ADGRE1: variants seen among roughly 807,000 people sequenced by gnomAD.
ADGRE1 encodes the protein adhesion G protein-coupled receptor E1.
A neutral mutation model predicts 102.7 loss-of-function variants in ADGRE1; 82 were observed. The observed-to-expected ratio is 0.80, with a 90% CI of 0.67 to 0.96. The LOEUF is 0.96. ADGRE1 is among the 40% of genes least tolerant of loss of function. The pLI, the probability that ADGRE1 is intolerant of heterozygous loss-of-function variation, is 0.00. For synonymous variants in ADGRE1, 398 were observed against 399.6 expected (o/e 1.00, Z 0.05); for missense variants, 1,032 against 1,085.3 (o/e 0.95, Z 0.69).
intron 1 of ADGRE1, 54 bp from the exon 2 acceptor site, chr19:6,890,427 T>TG: frequency 1.7e-6 from 2 of 1,153,692 alleles, no homozygotes; most frequent in Non-Finnish European, 1.2e-6. Context: ...AAAGGTTTTT[T>TG]TTTTTTTTTT....
At position 6,916,387 on chromosome 19, in the gene ADGRE1, G is replaced by A. The variant is rs1974385571; in HGVS notation, c.1420+19G>A. The stretch of plus-strand genomic sequence containing the variant: ...TCCACAGGTACAGGTCCTCTCCTGA[G>A]AATGCAGGTTATGGTGTATTCCATC... On this transcript the variant is annotated intron_variant, in intron 12 of 20. Coordinates refer to ENST00000312053, the MANE Select transcript of ADGRE1 (RefSeq NM_001974.5). The A allele has an allele frequency of 1.9e-6, 3 of 1,607,936 alleles. No individual in the cohort carries two copies. Among genetic ancestry groups the A allele is most frequent in the Non-Finnish European group, 2.5e-6 (3 of 1,177,048 alleles).
At chr19:6,898,335 G>A in intron 5 of ADGRE1, 1 of 1,598,178 alleles carries the variant, frequency 6.3e-7, no homozygotes, top group Non-Finnish European at 8.6e-7. Context: ...AAAGCCCCCA[G>A]CCCTGTGGTC....
chr19:6,926,760 G>A (rs1374393580), intron 16 of ADGRE1, among the ~76,000 whole-genome samples, 159 bp downstream of exon 16: 1 of 152,184 alleles, frequency 6.6e-6, no homozygotes, highest in African/African-American at 2.4e-5. Context: ...ACCATGTACA[G>A]CAGCATGGGT....
chr19:6,930,226 A>C (rs997512312), intron 17 of ADGRE1, among the ~76,000 whole-genome samples: 4 of 152,182 alleles, frequency 2.6e-5, no homozygotes, highest in African/African-American at 9.7e-5. Flanking sequence ...AAAAGTAAAA[A>C]GAAATTAGGA....
At chr19:6,890,612 C>A in intron 2 of ADGRE1, 69 bp downstream of exon 2, 1 of 1,532,344 alleles carries the variant, frequency 6.5e-7, no homozygotes, top group Non-Finnish European at 8.9e-7. Context: ...GGAAACATCC[C>A]AGGAAGCTGA....
In ADGRE1 at chr19:6,904,476, C is replaced by A. The variant is rs890032897; in HGVS notation, c.949+294C>A. Among the ~76,000 whole-genome samples, 6 of 151,842 alleles carry A rather than the reference C, an allele frequency of 4.0e-5. 1 individual carries two copies. Among genetic ancestry groups the A allele is most frequent in the Admixed American group, 6.6e-5 (1 of 15,238 alleles). On this transcript the variant is annotated intron_variant, in intron 8 of 20. Transcript: ENST00000312053. The stretch of plus-strand genomic sequence containing the variant: ...TAGGGAAGGAGCCAGAACACACACA[C>A]ACCCAATTATTTAATTATAACTATG...
intron 13 of ADGRE1, among the ~76,000 whole-genome samples, chr19:6,920,426 A>G (rs1462542606): frequency 6.7e-6 from 1 of 148,818 alleles, no homozygotes. Context: ...TCACCATGTT[A>G]GCCAGGATGG....
intron 17 of ADGRE1, among the ~76,000 whole-genome samples, chr19:6,930,835 C>T (rs1218393279): frequency 5.3e-5 from 8 of 152,006 alleles, no homozygotes; most frequent in Non-Finnish European, 1.2e-4. Context: ...GACGGGATTT[C>T]GCCATGTTTT....
At chr19:6,896,698 G>T (rs1441044244) in intron 3 of ADGRE1, 157 bp downstream of exon 3, 2 of 809,966 alleles carry the variant, frequency 2.5e-6, no homozygotes, top group Non-Finnish European at 3.8e-6. Flanking sequence ...TTCTGTTCAA[G>T]GTTAATATTG....
chr19:6,926,173 G>T (rs1264131530), intron 15 of ADGRE1, among the ~76,000 whole-genome samples, 193 bp from the exon 16 acceptor site: 2 of 152,170 alleles, frequency 1.3e-5, no homozygotes, highest in Non-Finnish European at 2.9e-5. Flanking sequence ...GACAAACCAG[G>T]ACCATGGGTC....
At chr19:6,912,678 A>T (rs1974247700) in intron 10 of ADGRE1, among the ~76,000 whole-genome samples, 1 of 152,140 alleles carries the variant, frequency 6.6e-6, no homozygotes, top group African/African-American at 2.4e-5. Flanking sequence ...ATACTGCAAT[A>T]TTCATTTTAA....
At chr19:6,904,781 C>T (rs1180364844) in intron 8 of ADGRE1, among the ~76,000 whole-genome samples, 1 of 152,108 alleles carries the variant, frequency 6.6e-6, no homozygotes, top group East Asian at 1.9e-4. Flanking sequence ...GCTGGGATTA[C>T]AGGCATGAGC....
intron 2 of ADGRE1, among the ~76,000 whole-genome samples, chr19:6,890,846 C>A (rs1433641729): frequency 6.6e-6 from 1 of 152,056 alleles, no homozygotes; most frequent in Non-Finnish European, 1.5e-5. Context: ...TTGGAAACCA[C>A]CTGGTATGTA....
intron 10 of ADGRE1, among the ~76,000 whole-genome samples, chr19:6,912,745 A>G (rs1050350650): frequency 1.3e-5 from 2 of 152,316 alleles, no homozygotes; most frequent in African/African-American, 4.8e-5. Flanking sequence ...TCTGTAGGGC[A>G]TTTAGGCTTT....
intron 5 of ADGRE1, chr19:6,898,440 G>A (rs1472216738): frequency 6.9e-6 from 11 of 1,600,076 alleles, no homozygotes; most frequent in Non-Finnish European, 8.6e-6. Context: ...TCCCAGGAAA[G>A]CCGGGCAATT....
At position 6,930,245 on chromosome 19, in the gene ADGRE1, G is replaced by C. The variant is rs188647208; in HGVS notation, c.2289+2034G>C. Among the ~76,000 whole-genome samples, 54 of 152,242 alleles carry C rather than the reference G, an allele frequency of 3.5e-4. No homozygotes were observed. In the East Asian group the frequency reaches 8.9e-3, roughly 25 times the overall value. ...GTAAAAAGAAATTAGGAGGAATTGTGGGGGAAGGAGTGAGATGACAGAGGG... is the reference window on the plus strand; with the variant it reads ...GTAAAAAGAAATTAGGAGGAATTGTCGGGGAAGGAGTGAGATGACAGAGGG... On this transcript the variant is annotated intron_variant, in intron 17 of 20. Coordinates refer to ENST00000312053, the MANE Select transcript of ADGRE1 (RefSeq NM_001974.5).
intron 12 of ADGRE1, among the ~76,000 whole-genome samples, chr19:6,917,136 C>A (rs1253085199): frequency 6.7e-6 from 1 of 150,372 alleles, no homozygotes; most frequent in Non-Finnish European, 1.5e-5. Context: ...TGTGCCTGGG[C>A]ATGTTTCAAT....
chr19:6,916,478 G>A, intron 12 of ADGRE1, 110 bp downstream of exon 12: 1 of 1,401,694 alleles, frequency 7.1e-7, no homozygotes, highest in Non-Finnish European at 9.6e-7. Context: ...AACCAATGAG[G>A]GTAGAAATGG....
At chr19:6,939,970 A>C in intron 20 of ADGRE1, 54 bp from the exon 21 acceptor site, 1 of 1,600,390 alleles carries the variant, frequency 6.2e-7, no homozygotes, top group Non-Finnish European at 8.6e-7. Context: ...CCTTGGAATC[A>C]CGTTTGTATT....
Sources: gnomAD v4.1 joint callset for allele counts (sites outside exome capture counted in the v4.1 genomes callset) on GRCh38, gnomAD v4.1.1 for gene constraint, MANE v1.5 for transcripts, NCBI Gene and HGNC (gene_info 2026-07-23, HGNC 2026-07-21) for gene names.